The following TRIO variants were observed in gnomAD, a reference collection of about 807,000 sequenced individuals.
The protein encoded by TRIO is triple functional domain protein.
TRIO carries 58 observed loss-of-function variants against 351.9 expected under a neutral mutation model. The observed-to-expected ratio is 0.16, with a 90% CI of 0.13 to 0.21. The LOEUF is 0.21. Ranked by LOEUF, TRIO falls within the 10% of genes least tolerant of loss-of-function variation. TRIO has a pLI of 1.00. For synonymous variants in TRIO, 1,758 were observed against 1,595.7 expected, an observed-to-expected ratio of 1.10 and a Z score of -2.42; for missense variants, 3,201 against 4,027.8, an observed-to-expected ratio of 0.79 and a Z score of 5.56.
At chr5:14,202,694 G>T (rs1561196770) in intron 1 of TRIO, among the ~76,000 whole-genome samples, 2 of 147,952 alleles carry the variant, frequency 1.4e-5, no homozygotes, top group Non-Finnish European at 3.0e-5. Context: ...CTTTTGCTTG[G>T]CTCTCATTAT....
chr5:14,448,700 G>T (rs1042509312), intron 34 of TRIO, among the ~76,000 whole-genome samples: 3 of 152,202 alleles, frequency 2.0e-5, no homozygotes, highest in Admixed American at 6.5e-5. Context: ...GGGCATGGAT[G>T]TCTTCAGCTG....
intron 31 of TRIO, among the ~76,000 whole-genome samples, chr5:14,404,198 C>T (rs1260171171): frequency 1.3e-5 from 2 of 151,814 alleles, no homozygotes; most frequent in African/African-American, 4.8e-5. Flanking sequence ...ATGATGTCCT[C>T]ATAGTTGTAA....
rs1303421034 is a variant in TRIO at position 14,245,220 on chromosome 5, A to G, written c.158-25605A>G. ...TTGTCCCTAGTATTTAAATTAGGTT[A>G]TTGTAAAAGCTCCTTTGCACCTGTT... On this transcript the variant is annotated intron_variant, in intron 1 of 56. Coordinates refer to ENST00000344204, the MANE Select transcript of TRIO (RefSeq NM_007118.4). Among the ~76,000 whole-genome samples the G allele has an allele frequency of 2.6e-5, 4 of 152,304 alleles. No homozygotes were observed. In the South Asian group the frequency reaches 8.3e-4, roughly 32 times the overall value.
chr5:14,377,888 C>T (rs2152351022), intron 19 of TRIO, 124 bp from the exon 20 acceptor site: 1 of 694,824 alleles, frequency 1.4e-6, no homozygotes, highest in Non-Finnish European at 2.5e-6. Context: ...CAGTGTGATT[C>T]TTTATTTATC....
chr5:14,492,357 C>T (rs1756551169), intron 48 of TRIO: 1 of 650,270 alleles, frequency 1.5e-6, no homozygotes, highest in African/African-American at 1.8e-5. Context: ...CCCTAAATTG[C>T]TTTCTAGAGA....
chr5:14,312,195 CTT>C (rs1007274935), intron 8 of TRIO, among the ~76,000 whole-genome samples: 1 of 152,156 alleles, frequency 6.6e-6, no homozygotes, highest in African/African-American at 2.4e-5. Flanking sequence ...TTTTATGGCT[CTT>C]TTTAAGGGTG....
chr5:14,169,197 C>CTTTTTTTTTTTTTTTTTTTT (rs3994005), intron 1 of TRIO, among the ~76,000 whole-genome samples: 1 of 140,410 alleles, frequency 7.1e-6, no homozygotes, highest in Admixed American at 7.1e-5. Flanking sequence ...ATAAAACTGC[C>CTTTTTTTTTTTTTTTTTTTT]TTTTTTTTTT....
At chr5:14,178,222 C>G (rs899473476) in intron 1 of TRIO, among the ~76,000 whole-genome samples, 1 of 152,120 alleles carries the variant, frequency 6.6e-6, no homozygotes, top group Non-Finnish European at 1.5e-5. Flanking sequence ...TGGTCCTACA[C>G]CACAAGGATT....
chr5:14,351,475 C>T (rs1579401445), intron 11 of TRIO, among the ~76,000 whole-genome samples: 1 of 152,168 alleles, frequency 6.6e-6, no homozygotes, highest in South Asian at 2.1e-4. Flanking sequence ...CTATGGCTCG[C>T]CCATTCCCAC....
chr5:14,486,679 G>C (rs1024931620), intron 47 of TRIO, among the ~76,000 whole-genome samples: 1 of 152,146 alleles, frequency 6.6e-6, no homozygotes, highest in Admixed American at 6.6e-5. Flanking sequence ...ACTCAGTTGA[G>C]TAACTAGTAA....
intron 5 of TRIO, 89 bp from the exon 6 acceptor site, chr5:14,292,923 G>A: frequency 1.3e-6 from 2 of 1,570,160 alleles, no homozygotes; most frequent in Middle Eastern, 1.7e-4. Context: ...GAAGGAAGTT[G>A]CCCTTTCTTG....
intron 11 of TRIO, among the ~76,000 whole-genome samples, chr5:14,349,307 CTG>C (rs1318138106): frequency 4.0e-5 from 6 of 149,434 alleles, no homozygotes; most frequent in African/African-American, 7.4e-5. Flanking sequence ...TGTGTTTTTC[CTG>C]TGTGTATATG....
intron 1 of TRIO, among the ~76,000 whole-genome samples, chr5:14,210,906 C>A (rs1002173670): frequency 6.6e-6 from 1 of 151,754 alleles, no homozygotes; most frequent in Non-Finnish European, 1.5e-5. Context: ...TTCCTCCTTT[C>A]ACCCTTCTCC....
At chr5:14,397,284 G>T in intron 29 of TRIO, 130 bp downstream of exon 29, 1 of 702,180 alleles carries the variant, frequency 1.4e-6, no homozygotes, top group Non-Finnish European at 2.3e-6. Flanking sequence ...ATTTCTTAAA[G>T]AATCAGTGTC....
intron 34 of TRIO, among the ~76,000 whole-genome samples, chr5:14,450,169 G>A (rs540823946): frequency 3.9e-5 from 6 of 152,256 alleles, no homozygotes; most frequent in East Asian, 1.9e-4. Context: ...CGACGCGGCC[G>A]GCCTCATATC....
At chr5:14,370,004 G>A (rs1362038409) in intron 18 of TRIO, among the ~76,000 whole-genome samples, 1 of 152,238 alleles carries the variant, frequency 6.6e-6, no homozygotes, top group Non-Finnish European at 1.5e-5. Flanking sequence ...TACCTACTCA[G>A]GAAATGCTTC....
chr5:14,233,593 A>G (rs1348192331), intron 1 of TRIO, among the ~76,000 whole-genome samples: 5 of 152,064 alleles, frequency 3.3e-5, no homozygotes, highest in African/African-American at 1.2e-4. Flanking sequence ...AATACATACC[A>G]AAACATGTAT....
chr5:14,183,232 G>A (rs912473405), intron 1 of TRIO, among the ~76,000 whole-genome samples: 1 of 152,116 alleles, frequency 6.6e-6, no homozygotes, highest in African/African-American at 2.4e-5. Flanking sequence ...GCTCCCCTCC[G>A]TTGAAAGTCT....
chr5:14,326,246 G>A (rs890868164), intron 9 of TRIO, among the ~76,000 whole-genome samples: 7 of 152,248 alleles, frequency 4.6e-5, no homozygotes, highest in South Asian at 4.1e-4. Flanking sequence ...CTCAGATGGC[G>A]AGATGATTGC....
Sources: allele counts gnomAD v4.1 joint callset (sites outside exome capture counted in the v4.1 genomes callset), GRCh38; gene constraint gnomAD v4.1.1; transcripts MANE v1.5; gene names NCBI Gene and HGNC (gene_info 2026-07-23, HGNC 2026-07-21).